FAM107A: variants seen among roughly 807,000 people sequenced by gnomAD.
FAM107A encodes the protein family with sequence similarity 107 member A.
A neutral mutation model predicts 13.7 loss-of-function variants in FAM107A; 19 were observed. That is an observed-to-expected ratio of 1.38 (90% confidence interval 0.97 to 2.03). The LOEUF (loss-of-function observed/expected upper bound fraction) is 2.03. FAM107A is among the 30% of genes most tolerant of loss of function. The pLI is 0.00. For missense variants in FAM107A, 203 were observed against 184.4 expected (o/e 1.10, Z -0.58); for synonymous variants, 82 against 74.5 (o/e 1.10, Z -0.52).
At chr3:58,570,583 C>G (rs2063671415) in intron 1 of FAM107A, among the ~76,000 whole-genome samples, 2 of 91,040 alleles carry the variant, frequency 2.2e-5, no homozygotes, top group Non-Finnish European at 2.3e-5. Context: ...GCAAATACAG[C>G]AGAGAGAGAG....
chr3:58,615,436 C>T (rs1212413949), intron 1 of FAM107A, among the ~76,000 whole-genome samples: 2 of 152,134 alleles, frequency 1.3e-5, no homozygotes, highest in Admixed American at 1.3e-4. Flanking sequence ...TTTTCATTGT[C>T]ATTTGGATCT....
chr3:58,619,988 C>G (rs2065938145), intron 1 of FAM107A, among the ~76,000 whole-genome samples: 1 of 152,112 alleles, frequency 6.6e-6, no homozygotes, highest in African/African-American at 2.4e-5. Flanking sequence ...TGTCCCTTCC[C>G]CCCAGCCTGA....
chr3:58,608,265 T>C (rs1204204929), intron 1 of FAM107A, among the ~76,000 whole-genome samples: 1 of 152,074 alleles, frequency 6.6e-6, no homozygotes, highest in Non-Finnish European at 1.5e-5. Flanking sequence ...GTTACCCTGA[T>C]TTTTAATTTT....
chr3:58,581,264 AC>A (rs748181738), upstream of FAM107A, among the ~76,000 whole-genome samples: 2 of 152,196 alleles, frequency 1.3e-5, no homozygotes, highest in Non-Finnish European at 2.9e-5. Context: ...TTTCTTGGGA[AC>A]CAGAGGAACC....
rs57244654 is a variant in FAM107A, at chr3:58,599,696, A to ATTTTTTTTTTTTTTTTTTTTTTTT, written c.-69-10451_-69-10428dup. Among the ~76,000 whole-genome samples the ATTTTTTTTTTTTTTTTTTTTTTTT allele has an allele frequency of 6.4e-5, 5 of 78,596 alleles. 1 individual carries two copies. Among genetic ancestry groups the ATTTTTTTTTTTTTTTTTTTTTTTT allele is most frequent in the Non-Finnish European group, 1.3e-4 (5 of 37,406 alleles). The allele number at this position is 78,596 out of a possible 152,430, so 51.6% of individuals were successfully genotyped here. A position where few individuals can be genotyped will look rare whatever the true frequency, so the allele number is the denominator to read the frequency against. On this transcript the variant is annotated intron_variant, in intron 1 of 3. Transcript: ENST00000465970. ...GTGGTATACTTAAAACAAGTGCACC[A>ATTTTTTTTTTTTTTTTTTTTTTTT]TTTTTTTTTTTTTTTTTTTTTTTTT...
At chr3:58,567,769 C>T (rs1378985749) in intron 2 of FAM107A, among the ~76,000 whole-genome samples, 1 of 152,190 alleles carries the variant, frequency 6.6e-6, no homozygotes, top group Non-Finnish European at 1.5e-5. Context: ...GAACAGTGTA[C>T]AAGAGCATCT....
In FAM107A at chr3:58,617,798, T is replaced by G. The variant is rs1038379233; in HGVS notation, c.-70+9618A>C. ...CCACTACCTACTATTAACTCTGCCT[T>G]GCACAAGGTGAAGATTTATTCTGGC... On this transcript the variant is annotated intron_variant, in intron 1 of 3. Transcript: ENST00000465970. The surrounding 1 kb of genome is among the most constrained non-coding windows in gnomAD (Gnocchi z 4.5). 6.6e-5 allele frequency among the ~76,000 whole-genome samples: 10 copies of G among 152,220 alleles called. No individual in the cohort carries two copies. The highest frequency in any genetic ancestry group is 1.3e-4 in the Admixed American group (2 of 15,282).
chr3:58,606,735 G>T (rs745794453), intron 1 of FAM107A, among the ~76,000 whole-genome samples: 10 of 152,218 alleles, frequency 6.6e-5, no homozygotes, highest in Non-Finnish European at 1.3e-4. Context: ...ACAGGCTAAA[G>T]TTTCTATCTG....
At chr3:58,581,852 C>T (rs2065549152), upstream of FAM107A, among the ~76,000 whole-genome samples, 2 of 152,232 alleles carry the variant, frequency 1.3e-5, no homozygotes. Context: ...CACCCAGCTG[C>T]AATTAGACAT....
Position 58,594,167 on chromosome 3 carries a change from A to G in FAM107A, c.-69-4898T>C, listed in dbSNP as rs370428240. 5.9e-5 allele frequency among the ~76,000 whole-genome samples: 9 copies of G among 152,310 alleles called. 1 individual carries two copies. In the South Asian group the frequency reaches 1.7e-3, roughly 28 times the overall value. ...ATTAGGGGCTTTTCAGCTCCGCATT[A>G]CAGATAAGCCCTGTGTCAATACTGA... On this transcript the variant is annotated intron_variant, in intron 1 of 3. Coordinates refer to the FAM107A transcript ENST00000465970.
upstream of FAM107A, among the ~76,000 whole-genome samples, chr3:58,580,758 T>C (rs765510918): frequency 9.2e-5 from 14 of 151,980 alleles, no homozygotes; most frequent in Non-Finnish European, 1.6e-4. Context: ...TATTAAAGAG[T>C]TTGAGGACCA....
chr3:58,586,581 C>A (rs1428520212), intron 1 of FAM107A, among the ~76,000 whole-genome samples: 1 of 151,868 alleles, frequency 6.6e-6, no homozygotes, highest in African/African-American at 2.4e-5. Flanking sequence ...CCCAGCTACT[C>A]GGGAGGCTGA....
At chr3:58,616,556 C>T (rs1235283832) in intron 1 of FAM107A, among the ~76,000 whole-genome samples, 4 of 151,578 alleles carry the variant, frequency 2.6e-5, no homozygotes, top group South Asian at 4.2e-4. Flanking sequence ...CACACACACA[C>T]ACACACACAC....
chr3:58,597,410 A>G (rs975966829), intron 1 of FAM107A, among the ~76,000 whole-genome samples: 5 of 152,210 alleles, frequency 3.3e-5, no homozygotes, highest in Admixed American at 6.5e-5. Flanking sequence ...TGCATCGCTG[A>G]TAAACACAGA....
At chr3:58,626,963 G>A (rs1016400397) in intron 1 of FAM107A, 34 of 1,535,812 alleles carry the variant, frequency 2.2e-5, no homozygotes, top group African/African-American at 5.5e-5. Flanking sequence ...ACACTTAGAG[G>A]TTCCTACCTT....
rs7609991 is a variant in FAM107A, at chr3:58,569,659, G to A, written c.170+32C>T. ...CCATCCCCCACAGGCCCAGGTGCTT[G>A]CGGGGCCCAGGCAGCAGGGCTTCAT... On this transcript the variant is annotated intron_variant, in intron 2 of 3. Transcript: ENST00000360997. The surrounding 1 kb of genome is among the most constrained non-coding windows in gnomAD (Gnocchi z 5.7). 5.1e-6 allele frequency: 8 copies of A among 1,584,010 alleles called. No individual in the cohort carries two copies. Among genetic ancestry groups the A allele is most frequent in the Non-Finnish European group, 6.0e-6 (7 of 1,164,652 alleles).
At chr3:58,616,074 T>C (rs768767156) in intron 1 of FAM107A, among the ~76,000 whole-genome samples, 5 of 151,590 alleles carry the variant, frequency 3.3e-5, no homozygotes, top group African/African-American at 4.9e-5. Flanking sequence ...GTGTATGGAG[T>C]AGGGAGCCCA....
chr3:58,615,159 A>T (rs1167398394), intron 1 of FAM107A, among the ~76,000 whole-genome samples: 1 of 152,256 alleles, frequency 6.6e-6, no homozygotes, highest in Non-Finnish European at 1.5e-5. Flanking sequence ...CTTAAAGCCA[A>T]CTACATCATT....
In FAM107A at chr3:58,617,691, C is replaced by A. The variant is rs1411604358; in HGVS notation, c.-70+9725G>T. ...GCTTTTGATTTGGCCCCTCTTGCAC[C>A]ACCTCCAAACCCTTTCAAGATAGAA... is the stretch of plus-strand genomic sequence containing the variant. On this transcript the variant is annotated intron_variant, in intron 1 of 3. Coordinates refer to the FAM107A transcript ENST00000465970. This position sits in a 1 kb window ranked among gnomAD's most constrained non-coding sequence, Gnocchi z 4.5. 7.9e-5 allele frequency among the ~76,000 whole-genome samples: 12 copies of A among 152,126 alleles called. No individual in the cohort carries two copies. Among genetic ancestry groups the A allele is most frequent in the Admixed American group, 7.9e-4 (12 of 15,264 alleles).
Sources: allele counts gnomAD v4.1 joint callset (sites outside exome capture counted in the v4.1 genomes callset), GRCh38; gene constraint gnomAD v4.1.1; non-coding constraint Gnocchi (gnomAD v3.1); transcripts MANE v1.5; gene names NCBI Gene and HGNC (gene_info 2026-07-23, HGNC 2026-07-21).